The following GALNTL6 variants were observed in gnomAD, a reference collection of about 807,000 sequenced individuals.
GALNTL6 encodes the protein polypeptide N-acetylgalactosaminyltransferase like 6, also known as polypeptide N-acetylgalactosaminyltransferase-like 6.
In GALNTL6, 46 loss-of-function variants were observed where a neutral mutation model predicts 73.7. The observed-to-expected ratio is 0.62, with a 90% CI of 0.49 to 0.80. The LOEUF is 0.80. Ranked by LOEUF, GALNTL6 falls within the 30% of genes least tolerant of loss-of-function variation. The pLI is 0.00. For synonymous variants in GALNTL6, 259 were observed against 263.7 expected (o/e 0.98, Z 0.17); for missense variants, 604 against 755.0 (o/e 0.80, Z 2.34).
intron 4 of GALNTL6, among the ~76,000 whole-genome samples, chr4:172,325,102 A>G: frequency 6.6e-6 from 1 of 151,936 alleles, no homozygotes; most frequent in East Asian, 1.9e-4. Flanking sequence ...TCCAAAAAGT[A>G]TTTCTAAGAA....
chr4:172,546,510 C>A (rs1735758185), intron 5 of GALNTL6, among the ~76,000 whole-genome samples: 1 of 149,856 alleles, frequency 6.7e-6, no homozygotes, highest in Non-Finnish European at 1.5e-5. Context: ...AAAAAAAAGA[C>A]TGCTATACCT....
chr4:172,529,988 C>A (rs1334859619), intron 5 of GALNTL6, among the ~76,000 whole-genome samples: 1 of 151,480 alleles, frequency 6.6e-6, no homozygotes, highest in African/African-American at 2.4e-5. Context: ...GTGATCCACC[C>A]ATCTCAACCT....
intron 3 of GALNTL6, among the ~76,000 whole-genome samples, chr4:172,292,438 A>G (rs75843943): frequency 0.055 from 8,390 of 152,216 alleles, 738 homozygotes; most frequent in African/African-American, 0.19. Context: ...ATGGTTTATT[A>G]ATATTCATAC....
chr4:171,868,430 T>C (rs1226188406), intron 2 of GALNTL6, among the ~76,000 whole-genome samples: 1 of 152,206 alleles, frequency 6.6e-6, no homozygotes, highest in African/African-American at 2.4e-5. Flanking sequence ...AAACAACCTG[T>C]GGATGACGGC....
chr4:171,955,940 GT>G (rs1560857918), intron 2 of GALNTL6, among the ~76,000 whole-genome samples: 1 of 152,012 alleles, frequency 6.6e-6, no homozygotes, highest in Non-Finnish European at 1.5e-5. Flanking sequence ...AAGTATTATA[GT>G]TTTTGGTATA....
chr4:172,283,283 T>A (rs1017357287), intron 3 of GALNTL6, among the ~76,000 whole-genome samples: 2 of 152,198 alleles, frequency 1.3e-5, no homozygotes, highest in African/African-American at 4.8e-5. Context: ...ATAATACGGG[T>A]AATAAAGATT....
At chr4:172,001,087 C>T (rs190584350) in intron 2 of GALNTL6, among the ~76,000 whole-genome samples, 10 of 152,198 alleles carry the variant, frequency 6.6e-5, no homozygotes, top group East Asian at 1.9e-4. Flanking sequence ...TGTAATAGTA[C>T]GTAGTCATCA....
intron 5 of GALNTL6, among the ~76,000 whole-genome samples, chr4:172,715,024 C>G (rs1188923689): frequency 6.6e-6 from 1 of 151,690 alleles, no homozygotes; most frequent in Non-Finnish European, 1.5e-5. Flanking sequence ...TAATCAAATT[C>G]TGTATAAAAG....
chr4:172,234,141 C>T (rs1737164870), intron 3 of GALNTL6, among the ~76,000 whole-genome samples: 1 of 151,868 alleles, frequency 6.6e-6, no homozygotes, highest in African/African-American at 2.4e-5. Flanking sequence ...AAAACATTTA[C>T]CAATAGTTTA....
chr4:172,700,778 A>G (rs139804738), intron 5 of GALNTL6, among the ~76,000 whole-genome samples: 1 of 152,326 alleles, frequency 6.6e-6, no homozygotes, highest in Non-Finnish European at 1.5e-5. Flanking sequence ...GCAAAGGCAT[A>G]CAAAACAAAT....
intron 5 of GALNTL6, among the ~76,000 whole-genome samples, chr4:172,714,851 A>T (rs1056403145): frequency 2.6e-5 from 4 of 152,182 alleles, no homozygotes; most frequent in Non-Finnish European, 2.9e-5. Flanking sequence ...CTTGCCACTC[A>T]TGCATTTTAA....
chr4:172,413,756 A>G (rs1205319339), intron 5 of GALNTL6, among the ~76,000 whole-genome samples: 1 of 151,966 alleles, frequency 6.6e-6, no homozygotes, highest in African/African-American at 2.4e-5. Context: ...CTCCATTTCC[A>G]AAGTGCTCAA....
intron 5 of GALNTL6, among the ~76,000 whole-genome samples, chr4:172,799,484 G>A (rs929952330): frequency 1.3e-5 from 2 of 152,168 alleles, no homozygotes; most frequent in Non-Finnish European, 2.9e-5. Context: ...TTTCTGTGTA[G>A]AATATTGGGT....
intron 5 of GALNTL6, among the ~76,000 whole-genome samples, chr4:172,652,179 A>G (rs1740503766): frequency 6.6e-6 from 1 of 152,214 alleles, no homozygotes; most frequent in Non-Finnish European, 1.5e-5. Flanking sequence ...AGCAAAGTCC[A>G]TCTGTAGCCA....
At chr4:172,703,735 C>A (rs891357768) in intron 5 of GALNTL6, among the ~76,000 whole-genome samples, 9 of 151,926 alleles carry the variant, frequency 5.9e-5, no homozygotes, top group African/African-American at 2.2e-4. Flanking sequence ...CTCCCTCCCA[C>A]GTAAATTTTT....
intron 2 of GALNTL6, among the ~76,000 whole-genome samples, chr4:172,221,063 G>A (rs375150726): frequency 6.6e-5 from 10 of 151,844 alleles, no homozygotes; most frequent in East Asian, 5.8e-4. Context: ...CTATCAAGCT[G>A]TCTATTTTGG....
chr4:172,145,523 G>T (rs1474849414), intron 2 of GALNTL6, among the ~76,000 whole-genome samples: 1 of 152,032 alleles, frequency 6.6e-6, no homozygotes, highest in East Asian at 1.9e-4. Context: ...GGGGTTACAA[G>T]CATATATATG....
At chr4:172,351,230 C>T (rs572950047) in intron 5 of GALNTL6, among the ~76,000 whole-genome samples, 9 of 104,908 alleles carry the variant, frequency 8.6e-5, no homozygotes, top group East Asian at 3.1e-4. Flanking sequence ...TATCTATCTA[C>T]CTCTTTACTG....
chr4:171,934,190 C>G (rs935121830), intron 2 of GALNTL6, among the ~76,000 whole-genome samples: 5 of 152,064 alleles, frequency 3.3e-5, no homozygotes, highest in African/African-American at 9.7e-5. Context: ...GTAGATGAAA[C>G]TAAGATTACA....
Sources: allele counts gnomAD v4.1 joint callset (sites outside exome capture counted in the v4.1 genomes callset), GRCh38; gene constraint gnomAD v4.1.1; transcripts MANE v1.5; gene names NCBI Gene and HGNC (gene_info 2026-07-23, HGNC 2026-07-21).